The following TTC12 variants were observed in gnomAD, a reference collection of about 807,000 sequenced individuals.
TTC12 encodes the protein tetratricopeptide repeat domain 12, also known as tetratricopeptide repeat protein 12.
In TTC12, 70 loss-of-function variants were observed where a neutral mutation model predicts 90.1. The observed-to-expected ratio is 0.78, with a 90% CI of 0.64 to 0.95. TTC12 has a LOEUF of 0.95. Among genes scored for constraint, TTC12 ranks in the 40% least tolerant of loss-of-function variants. The pLI, the probability that TTC12 is intolerant of heterozygous loss-of-function variation, is 0.00. For synonymous variants in TTC12, 296 were observed against 311.5 expected (o/e 0.95, Z 0.53); for missense variants, 819 against 846.1 (o/e 0.97, Z 0.40).
downstream of TTC12, chr11:113,366,467 C>A: frequency 7.8e-7 from 1 of 1,280,856 alleles, no homozygotes; most frequent in Non-Finnish European, 1.1e-6. Context: ...ATTAGGCTGG[C>A]TGCTGTGGTG....
chr11:113,320,213 C>T (rs1555137663), intron 2 of TTC12, among the ~76,000 whole-genome samples: 1 of 152,104 alleles, frequency 6.6e-6, no homozygotes, highest in Non-Finnish European at 1.5e-5. Context: ...ACCCCACCCT[C>T]AAGCCGGGAG....
At chr11:113,355,928 T>C (rs781840853) in intron 16 of TTC12, among the ~76,000 whole-genome samples, 9 of 152,204 alleles carry the variant, frequency 5.9e-5, no homozygotes, top group Non-Finnish European at 1.5e-5. Context: ...TTGTTTTCAT[T>C]TGGAGAAATC....
intron 8 of TTC12, among the ~76,000 whole-genome samples, chr11:113,338,416 A>G (rs1948495636): frequency 1.3e-5 from 2 of 152,304 alleles, no homozygotes; most frequent in South Asian, 4.1e-4. Flanking sequence ...CCATATGGAC[A>G]TATTTGACAG....
Position 113,359,362 on chromosome 11 carries a change from G to A in TTC12, c.1447-1G>A. On this transcript the variant is annotated splice_acceptor_variant, in intron 16 of 21. Transcript: ENST00000529221. LOFTEE classifies it high-confidence loss of function. ...TTGGTTACCTTGTTTTGTTTCCCAA[G>A]GCCAGGTGTGAGGAGGATGTGGACC... 1 of 1,602,804 alleles carries A rather than the reference G, an allele frequency of 6.2e-7. No individual in the cohort carries two copies. The highest frequency in any genetic ancestry group is 1.1e-5 in the South Asian group (1 of 90,272).
intron 8 of TTC12, among the ~76,000 whole-genome samples, 177 bp downstream of exon 8, chr11:113,335,214 A>G (rs1948296965): frequency 6.6e-6 from 1 of 151,734 alleles, no homozygotes; most frequent in African/African-American, 2.4e-5. Context: ...AGTTAGTTCA[A>G]CTCCACCAGC....
chr11:113,361,490 T>A lies in TTC12; in HGVS notation c.1615-911T>A, dbSNP rs80185518. ...GGGCAGTAGCAGGTTTGCCTTATAATACCCTGGAGAGGATGAAGATTTCAA... is the reference window on the plus strand; with the variant it reads ...GGGCAGTAGCAGGTTTGCCTTATAAAACCCTGGAGAGGATGAAGATTTCAA... On this transcript the variant is annotated intron_variant, in intron 18 of 21. Transcript: ENST00000529221. 7.0e-4 allele frequency among the ~76,000 whole-genome samples: 106 copies of A among 152,310 alleles called. No individual in the cohort carries two copies. The East Asian group carries it at 0.018, about 26-fold the overall frequency.
chr11:113,345,895 G>A (rs1948923279), intron 13 of TTC12, among the ~76,000 whole-genome samples: 1 of 152,006 alleles, frequency 6.6e-6, no homozygotes, highest in Admixed American at 6.5e-5. Context: ...TCGGAGAGTG[G>A]CGTTCATGAT....
In TTC12 at chr11:113,362,432, C is replaced by T; in HGVS notation, c.1646C>T (p.Ser549Phe). 1 of 1,614,094 alleles carries T rather than the reference C, an allele frequency of 6.2e-7. No homozygotes were observed. Among genetic ancestry groups the T allele is most frequent in the Non-Finnish European group, 8.5e-7 (1 of 1,179,928 alleles). ...GCTGGTGTTCTGAGCCGGACCCTTT[C>T]TTCCTCTCTGAAAATTGTTGAGGAG... ...RAAGVLSRTL[S>F]SSLKIVEEAL... The change falls in exon 19 of 22, where the codon TCT becomes TTT. Residue 549 changes from serine to phenylalanine, a missense_variant. Ser to Phe is a radical substitution (Grantham distance 155). Transcript: ENST00000529221.
intron 21 of TTC12, chr11:113,365,596 T>A (rs1671571641): frequency 1.1e-5 from 2 of 184,782 alleles, no homozygotes; most frequent in African/African-American, 4.6e-5. Flanking sequence ...GCAAGAGATG[T>A]GGGCTGTAAC....
intron 16 of TTC12, among the ~76,000 whole-genome samples, chr11:113,354,000 A>C (rs1166471490): frequency 1.3e-5 from 2 of 152,224 alleles, no homozygotes; most frequent in African/African-American, 4.8e-5. Flanking sequence ...TCTGTGAAGA[A>C]TGTCAATGGT....
At chr11:113,325,972 G>C (rs914478285) in intron 6 of TTC12, among the ~76,000 whole-genome samples, 1 of 152,138 alleles carries the variant, frequency 6.6e-6, no homozygotes, top group Non-Finnish European at 1.5e-5. Flanking sequence ...AAAACTAGTG[G>C]AATGAAATGA....
intron 17 of TTC12, 58 bp from the exon 18 acceptor site, chr11:113,359,882 G>T: frequency 7.1e-7 from 1 of 1,410,240 alleles, no homozygotes; most frequent in East Asian, 2.4e-5. Flanking sequence ...AAGCTCCGCT[G>T]AGAATTCAGA....
At position 113,359,939 on chromosome 11, in the gene TTC12, G is replaced by C; in HGVS notation, c.1546-1G>C. 1.3e-6 allele frequency: 2 copies of C among 1,593,618 alleles called. No individual in the cohort carries two copies. Among genetic ancestry groups the C allele is most frequent in the Non-Finnish European group, 1.7e-6 (2 of 1,170,046 alleles). On this transcript the variant is annotated splice_acceptor_variant, in intron 17 of 21. Transcript: ENST00000529221. LOFTEE classifies it high-confidence loss of function. ...CTGCTGGCCTCTCCCCATTGTTGTA[G>C]GTTTGGGCTGTGGAGGTGAGCAGAA...
intron 8 of TTC12, 45 bp downstream of exon 8, chr11:113,335,082 G>T (rs1555143667): frequency 7.3e-7 from 1 of 1,365,612 alleles, no homozygotes; most frequent in South Asian, 1.2e-5. Flanking sequence ...ATCACAGACT[G>T]ATGCTCCCAG....
intron 5 of TTC12, among the ~76,000 whole-genome samples, chr11:113,325,285 A>G (rs907102525): frequency 3.3e-5 from 5 of 152,152 alleles, no homozygotes; most frequent in Admixed American, 6.5e-5. Flanking sequence ...CTCAGCCTCA[A>G]TGCAGAAACA....
chr11:113,359,192 G>C lies in TTC12; in HGVS notation c.1447-171G>C, dbSNP rs534562160. On this transcript the variant is annotated intron_variant, in intron 16 of 21. Transcript: ENST00000529221. ...CCAGAGACTCCTTCCAAGTCTCCTG[G>C]ACCAACACTAACTCATAGAACTGGT... Among the ~76,000 whole-genome samples, 12 of 151,490 alleles carry C rather than the reference G, an allele frequency of 7.9e-5. No homozygotes were observed. In the South Asian group the frequency reaches 2.5e-3, roughly 32 times the overall value.
chr11:113,365,619 TTC>T (rs943660402), intron 21 of TTC12: 1 of 177,708 alleles, frequency 5.6e-6, no homozygotes, highest in Non-Finnish European at 1.2e-5. Context: ...TGCCCATGGC[TTC>T]TCTGTTAGCT....
intron 16 of TTC12, among the ~76,000 whole-genome samples, chr11:113,355,118 A>C (rs1451237423): frequency 6.6e-6 from 1 of 152,146 alleles, no homozygotes; most frequent in Non-Finnish European, 1.5e-5. Flanking sequence ...GCTCTTTATT[A>C]CTGACTTAAT....
intron 21 of TTC12, chr11:113,365,561 A>C (rs1950162860): frequency 5.3e-6 from 1 of 188,398 alleles, no homozygotes; most frequent in Non-Finnish European, 1.1e-5. Flanking sequence ...GCAGAACAGC[A>C]TGCCGAGGTC....
Sources: gnomAD v4.1 joint callset for allele counts (sites outside exome capture counted in the v4.1 genomes callset) on GRCh38, gnomAD v4.1.1 for gene constraint, MANE v1.5 for transcripts, NCBI Gene and HGNC (gene_info 2026-07-23, HGNC 2026-07-21) for gene names.